Variants in CHMP6 observed in about 807,000 individuals in gnomAD.
The protein encoded by CHMP6 is charged multivesicular body protein 6, also known as chromatin-modifying protein 6.
In CHMP6, 10 loss-of-function variants were observed where a neutral mutation model predicts 32.8. That is an observed-to-expected ratio of 0.30 (90% CI 0.19 to 0.52). CHMP6 has a LOEUF of 0.52. Among genes scored for constraint, CHMP6 ranks in the 20% least tolerant of loss-of-function variants. The pLI is 0.97. For missense variants in CHMP6, 269 were observed against 263.8 expected (o/e 1.02, Z -0.14); for synonymous variants, 123 against 105.8 (o/e 1.16, Z -1.00).
chr17:80,999,067 C>T lies in CHMP6; in HGVS notation c.551-31C>T, dbSNP rs760129013. 26 of 1,612,696 alleles carry T rather than the reference C, an allele frequency of 1.6e-5. No homozygotes were observed. In the South Asian group the frequency reaches 1.8e-4, roughly 11 times the overall value. ...GAGGTCTCTGCCTGTGGGTCTTTGG[C>T]GTGTCATAAACATCTCTGTTTCCTC... On this transcript the variant is annotated intron_variant, in intron 7 of 7. Transcript: ENST00000325167.
chr17:80,995,983 A>AGGGG (rs1473346923), intron 4 of CHMP6, among the ~76,000 whole-genome samples: 1 of 151,970 alleles, frequency 6.6e-6, no homozygotes, highest in Non-Finnish European at 1.5e-5. Context: ...AGTGACATAG[A>AGGGG]AGGGAAGTCT....
At chr17:80,995,152 G>A in intron 3 of CHMP6, 46 bp downstream of exon 3, 1 of 1,550,126 alleles carries the variant, frequency 6.5e-7, no homozygotes, top group Non-Finnish European at 8.8e-7. Context: ...GCAGCTGGAG[G>A]CAGCTCCGCC....
chr17:80,992,663 C>T (rs1193956622), intron 1 of CHMP6, among the ~76,000 whole-genome samples: 1 of 152,116 alleles, frequency 6.6e-6, no homozygotes, highest in East Asian at 1.9e-4. Flanking sequence ...CCAGACTGAC[C>T]CCCCGGGGCA....
chr17:80,992,494 C>CA (rs1241031581), intron 1 of CHMP6, among the ~76,000 whole-genome samples: 1 of 152,240 alleles, frequency 6.6e-6, no homozygotes, highest in East Asian at 1.9e-4. Flanking sequence ...CCCTCTCCCT[C>CA]ACCCCATCCA....
intron 7 of CHMP6, chr17:80,998,744 T>C: frequency 1.6e-6 from 2 of 1,269,956 alleles, no homozygotes; most frequent in South Asian, 1.6e-5. Flanking sequence ...CAGGGATGGC[T>C]CTCCCCGTGG....
At chr17:80,994,083 T>G (rs2069616044) in intron 1 of CHMP6, among the ~76,000 whole-genome samples, 1 of 152,086 alleles carries the variant, frequency 6.6e-6, no homozygotes, top group Non-Finnish European at 1.5e-5. Context: ...GGCTAATATT[T>G]TTATGTATTT....
intron 5 of CHMP6, 21 bp from the exon 6 acceptor site, chr17:80,997,240 C>G (rs1477543180): frequency 6.2e-7 from 1 of 1,613,652 alleles, no homozygotes; most frequent in Admixed American, 1.7e-5. Context: ...GCTGCTCTCA[C>G]CACCGCCTGT....
At chr17:80,996,692 G>A (rs1242164238) in intron 4 of CHMP6, among the ~76,000 whole-genome samples, 1 of 152,232 alleles carries the variant, frequency 6.6e-6, no homozygotes, top group African/African-American at 2.4e-5. Context: ...CGCCAGGGCA[G>A]TGCAGTCGTG....
intron 6 of CHMP6, among the ~76,000 whole-genome samples, chr17:80,997,924 C>T (rs2069653371): frequency 6.6e-6 from 1 of 152,254 alleles, no homozygotes; most frequent in Non-Finnish European, 1.5e-5. Flanking sequence ...TCCTCCGGGG[C>T]CTCCAGGGAA....
In CHMP6 at chr17:80,997,308, C is replaced by T. The variant is rs751661361; in HGVS notation, c.462C>T (p.Asp154=). 47 of 1,430,112 alleles carry T rather than the reference C, an allele frequency of 3.3e-5. No individual in the cohort carries two copies. In the Admixed American group the frequency reaches 9.6e-4, roughly 29 times the overall value. The allele number at this position is 1,430,112 out of a possible 1,614,324, so 88.6% of individuals were successfully genotyped here. A position where few individuals can be genotyped will look rare whatever the true frequency, so the allele number is the denominator to read the frequency against. ...LAGSFTQEDE[D]AILEELSAIT... ...GAAGCTTCACTCAGGAGGATGAAGA[C>T]GCCATCCTGGAGGAGCTGAGCGCAA... is the stretch of plus-strand genomic sequence containing the variant. The change falls in exon 6 of 8, where the codon GAC becomes GAT. Residue 154 remains aspartate, a synonymous_variant. Transcript: ENST00000325167.
chr17:80,995,062 C>A lies in CHMP6; in HGVS notation c.217C>A (p.Leu73Ile). 6.2e-7 allele frequency: 1 copy of A among 1,603,256 alleles called. No individual in the cohort carries two copies. The highest frequency in any genetic ancestry group is 8.5e-7 in the Non-Finnish European group (1 of 1,176,492). The change falls in exon 3 of 8, where the codon CTC (leucine) becomes ATC (isoleucine). Residue 73 changes from leucine to isoleucine, a missense_variant. By Grantham distance (5) the Leu-to-Ile change is conservative (BLOSUM62 2). Transcript: ENST00000325167. ...LLKKKRYQEQ[L>I]LDRTENQISS... Reference sequence around the variant, plus strand: ...CAAGAAGAAGCGATACCAGGAGCAGCTCCTGGACAGGACGGAGAACCAGAT... The same window carrying A: ...CAAGAAGAAGCGATACCAGGAGCAGATCCTGGACAGGACGGAGAACCAGAT...
Position 80,999,455 on chromosome 17 carries a change from T to C in CHMP6, c.*302T>C. On this transcript the variant is annotated 3_prime_UTR_variant, in exon 8 of 8. Coordinates refer to ENST00000325167, the MANE Select transcript of CHMP6 (RefSeq NM_024591.5). ...GGCCCAGGCCCAACGCCTCTGGTGC[T>C]GTTCCCCTGCAGTCCCAGCCCCGCG... 7.3e-6 allele frequency: 3 copies of C among 411,488 alleles called. No individual in the cohort carries two copies. The highest frequency in any genetic ancestry group is 9.0e-6 in the Non-Finnish European group (2 of 221,086). The allele number at this position is 411,488 out of a possible 1,614,324, so 25.5% of individuals were successfully genotyped here.
At chr17:80,996,897 A>G (rs896734352) in intron 4 of CHMP6, 110 bp from the exon 5 acceptor site, 1 of 1,098,912 alleles carries the variant, frequency 9.1e-7, no homozygotes, top group Non-Finnish European at 1.3e-6. Context: ...AAAAATAAAT[A>G]AAAATAAACA....
Position 80,994,612 on chromosome 17 carries a change from A to C in CHMP6, c.95A>C (p.Gln32Pro), listed in dbSNP as rs1305079582. The C allele has an allele frequency of 3.8e-6, 6 of 1,585,216 alleles. No homozygotes were observed. Among genetic ancestry groups the C allele is most frequent in the South Asian group, 1.2e-5 (1 of 86,540 alleles). ...AAGCAGCAGCGGGACAAGCTGAGGCAGTACCAGAAGAGGATCGCCCAGCAG... is the reference window on the plus strand; with the variant it reads ...AAGCAGCAGCGGGACAAGCTGAGGCCGTACCAGAAGAGGATCGCCCAGCAG... ...QLKQQRDKLR[Q>P]YQKRIAQQLE... is the part of the protein sequence containing the mutation. The change falls in exon 2 of 8, where the codon CAG (glutamine) becomes CCG (proline). Residue 32 changes from glutamine to proline, a missense_variant. Transcript: ENST00000325167.
In CHMP6 at chr17:80,999,420, C is replaced by T. The variant is rs991827549; in HGVS notation, c.*267C>T. On this transcript the variant is annotated 3_prime_UTR_variant, in exon 8 of 8. Coordinates refer to ENST00000325167, the MANE Select transcript of CHMP6 (RefSeq NM_024591.5). ...AGCTTCTGCCGGTTGTGGGCTCCCC[C>T]GGTGGCCGAGGCCCAGGCCCAACGC... 45 of 461,052 alleles carry T rather than the reference C, an allele frequency of 9.8e-5. 1 individual carries two copies. The highest frequency in any genetic ancestry group is 6.1e-4 in the Middle Eastern group (1 of 1,648). 28.6% of individuals were successfully genotyped at this position (461,052 alleles called of 1,614,324 possible).
Position 80,996,980 on chromosome 17 carries a change from G to A in CHMP6, c.349-27G>A, listed in dbSNP as rs745977150. On this transcript the variant is annotated intron_variant, in intron 4 of 7. Transcript: ENST00000325167. ...GTCTACCATTGGCCTCGCGACAGGG[G>A]TCAACACCCATCACCCTCGTCCACA... 8 of 1,607,852 alleles carry A rather than the reference G, an allele frequency of 5.0e-6. No individual in the cohort carries two copies. In the South Asian group the frequency reaches 5.5e-5, roughly 11 times the overall value.
intron 3 of CHMP6, 140 bp downstream of exon 3, chr17:80,995,246 C>A (rs376521447): frequency 5.0e-6 from 4 of 796,310 alleles, no homozygotes; most frequent in Non-Finnish European, 7.9e-6. Flanking sequence ...TGAAGAGGGG[C>A]GGGCCTGGAA....
In CHMP6 at chr17:80,997,352, C is replaced by T; in HGVS notation, c.495+11C>T. ...AGCGCAATCACTCAGGTAACGGCCC[C>T]CCCGGGACTGAGCACAGTCACTCAG... is the stretch of plus-strand genomic sequence containing the variant. On this transcript the variant is annotated intron_variant, in intron 6 of 7. Transcript: ENST00000325167. 4.3e-6 allele frequency: 7 copies of T among 1,610,288 alleles called. 1 individual carries two copies. Among genetic ancestry groups the T allele is most frequent in the East Asian group, 4.5e-5 (2 of 44,790 alleles).
Position 80,998,770 on chromosome 17 carries a change from G to GCT in CHMP6, c.551-324_551-323dup, listed in dbSNP as rs2069661080. ...CTCCCCGTGGCACCATTCAGCACAGGCTCTCCAACCTGCCCACTGGGAAGC... is the reference window on the plus strand; with the variant it reads ...CTCCCCGTGGCACCATTCAGCACAGGCTCTCTCCAACCTGCCCACTGGGAAGC... On this transcript the variant is annotated intron_variant, in intron 7 of 7. Coordinates refer to ENST00000325167, the MANE Select transcript of CHMP6 (RefSeq NM_024591.5). 4 of 1,087,710 alleles carry GCT rather than the reference G, an allele frequency of 3.7e-6. 1 individual carries two copies. The South Asian group carries it at 6.8e-5, about 19-fold the overall frequency. 67.4% of individuals were successfully genotyped at this position (1,087,710 alleles called of 1,614,324 possible).
Sources: allele counts gnomAD v4.1 joint callset (sites outside exome capture counted in the v4.1 genomes callset), GRCh38; gene constraint gnomAD v4.1.1; transcripts MANE v1.5; gene names NCBI Gene and HGNC (gene_info 2026-07-23, HGNC 2026-07-21).